RIPK2: variants seen among roughly 807,000 people sequenced by gnomAD.
RIPK2 encodes receptor interacting serine/threonine kinase 2, also known as receptor-interacting serine/threonine-protein kinase 2.
RIPK2 carries 38 observed loss-of-function variants against 60.9 expected under a neutral mutation model. That is an observed-to-expected ratio of 0.62 (90% CI 0.48 to 0.82). RIPK2 has a LOEUF of 0.82. Among genes scored for constraint, RIPK2 ranks in the 40% least tolerant of loss-of-function variants. The pLI, the probability that RIPK2 is intolerant of heterozygous loss-of-function variation, is 0.00. For missense variants in RIPK2, 518 were observed against 647.0 expected, an observed-to-expected ratio of 0.80 and a Z score of 2.16; for synonymous variants, 225 against 223.4, an observed-to-expected ratio of 1.01 and a Z score of -0.06.
chr8:89,773,014 CAAA>C (rs1331139820), intron 6 of RIPK2, among the ~76,000 whole-genome samples, 186 bp downstream of exon 6: 1 of 151,992 alleles, frequency 6.6e-6, no homozygotes, highest in African/African-American at 2.4e-5. Flanking sequence ...GAATTCCTAA[CAAA>C]AAAGAGAAAT....
At chr8:89,781,859 TA>T (rs1467515466) in intron 7 of RIPK2, among the ~76,000 whole-genome samples, 7 of 152,214 alleles carry the variant, frequency 4.6e-5, no homozygotes, top group African/African-American at 1.7e-4. Flanking sequence ...TAACCGATAA[TA>T]AAGTAGAACA....
At chr8:89,759,452 T>C (rs1397826101) in intron 1 of RIPK2, 1 of 453,728 alleles carries the variant, frequency 2.2e-6, no homozygotes, top group Non-Finnish European at 4.4e-6. Flanking sequence ...AAGCTGTGAG[T>C]ATCCAGCATC....
chr8:89,786,815 G>C, intron 9 of RIPK2, 129 bp downstream of exon 9: 1 of 655,138 alleles, frequency 1.5e-6, no homozygotes, highest in South Asian at 1.8e-5. Context: ...TAAAGCGACA[G>C]AGTCTAAAGA....
At chr8:89,772,994 G>A (rs1809339526) in intron 6 of RIPK2, among the ~76,000 whole-genome samples, 166 bp downstream of exon 6, 1 of 152,086 alleles carries the variant, frequency 6.6e-6, no homozygotes, top group African/African-American at 2.4e-5. Context: ...TCCTTCTAGA[G>A]CAGAATTGAG....
intron 6 of RIPK2, among the ~76,000 whole-genome samples, chr8:89,774,840 G>A (rs1317489071): frequency 6.6e-6 from 1 of 152,124 alleles, no homozygotes; most frequent in Non-Finnish European, 1.5e-5. Context: ...AGAAGAAAAA[G>A]GATTAAGGAA....
In RIPK2 at chr8:89,771,780, G is replaced by A. The variant is rs774802944; in HGVS notation, c.681G>A (p.Gln227=). The part of the protein sequence containing the change: ...VITWEVLSRK[Q]PFEDVTNPLQ... ...CATGGGAAGTGTTATCCAGAAAACA[G>A]CCTTTTGAAGGTAAGTATGGTTTGA... Residue 227 remains glutamine (Q), a synonymous_variant, in exon 5 of 11, where the codon CAG becomes CAA. Coordinates refer to ENST00000220751, the MANE Select transcript of RIPK2 (RefSeq NM_003821.6). The A allele has an allele frequency of 4.4e-6, 7 of 1,603,656 alleles. No individual in the cohort carries two copies. The highest frequency in any genetic ancestry group is 1.3e-5 in the African/African-American group (1 of 74,470).
chr8:89,761,810 A>AAGTTTCACCAGGCTTTAAGTTTC (rs1809150776), intron 1 of RIPK2, among the ~76,000 whole-genome samples: 1 of 152,058 alleles, frequency 6.6e-6, no homozygotes, highest in Non-Finnish European at 1.5e-5. Flanking sequence ...TCACCACCCT[A>AAGTTTCACCAGGCTTTAAGTTTC]ACCAGGCTTT....
chr8:89,759,394 C>T (rs1437876465), intron 1 of RIPK2: 6 of 456,170 alleles, frequency 1.3e-5, no homozygotes, highest in African/African-American at 6.0e-5. Flanking sequence ...TTCTCCTCCT[C>T]CTATATCTAA....
chr8:89,772,095 T>C (rs1473902522), intron 5 of RIPK2, among the ~76,000 whole-genome samples: 1 of 152,042 alleles, frequency 6.6e-6, no homozygotes, highest in Non-Finnish European at 1.5e-5. Flanking sequence ...GTCCTCATTT[T>C]TGTCGCCTGC....
chr8:89,765,284 G>A (rs1809208504), intron 2 of RIPK2, 57 bp from the exon 3 acceptor site: 1 of 1,269,510 alleles, frequency 7.9e-7, no homozygotes, highest in African/African-American at 1.5e-5. Context: ...TTCTAAGTGT[G>A]AAACATAGTG....
intron 7 of RIPK2, among the ~76,000 whole-genome samples, chr8:89,781,359 T>TTTTTTTTC (rs1563616930): frequency 7.1e-4 from 18 of 25,366 alleles, no homozygotes; most frequent in East Asian, 3.3e-3. Flanking sequence ...ATTGAATTTT[T>TTTTTTTTC]TTTTTTTTTT....
intron 1 of RIPK2, among the ~76,000 whole-genome samples, chr8:89,760,831 T>C (rs1355568970): frequency 6.6e-6 from 1 of 152,050 alleles, no homozygotes; most frequent in African/African-American, 2.4e-5. Flanking sequence ...GAGGAAAGAG[T>C]GTGTGAAGTG....
chr8:89,785,642 T>G (rs1173977050), intron 8 of RIPK2, among the ~76,000 whole-genome samples: 3 of 152,178 alleles, frequency 2.0e-5, no homozygotes, highest in Non-Finnish European at 4.4e-5. Flanking sequence ...ACACTTCTGG[T>G]TCCAAGCATT....
At chr8:89,759,778 A>G (rs1809114949) in intron 1 of RIPK2, among the ~76,000 whole-genome samples, 1 of 152,164 alleles carries the variant, frequency 6.6e-6, no homozygotes, top group South Asian at 2.1e-4. Flanking sequence ...AGTTATGCAA[A>G]CACTATATGG....
chr8:89,778,603 C>T (rs1470956661), intron 6 of RIPK2, among the ~76,000 whole-genome samples: 2 of 152,088 alleles, frequency 1.3e-5, no homozygotes, highest in Non-Finnish European at 2.9e-5. Context: ...TCACACTTAG[C>T]GTAATGTTTC....
At position 89,772,765 on chromosome 8, in the gene RIPK2, C is replaced by T. The variant is rs368538168; in HGVS notation, c.790C>T (p.Arg264Cys). The T allele has an allele frequency of 2.0e-5, 33 of 1,611,692 alleles. No individual in the cohort carries two copies. Among genetic ancestry groups the T allele is most frequent in the South Asian group, 1.5e-4 (14 of 90,980 alleles). The change falls in exon 6 of 11, where the codon CGT (arginine) becomes TGT (cysteine). Residue 264 changes from arginine (R) to cysteine (C), a missense_variant. This residue lies in a region of RIPK2 where 448 missense variants were observed against 534.7 expected (regional missense o/e 0.84). Coordinates refer to ENST00000220751, the MANE Select transcript of RIPK2 (RefSeq NM_003821.6). ...SLPYDIPHRA[R>C]MISLIESGWA... Reference sequence around the variant, plus strand: ...GCCATATGATATACCTCACCGAGCACGTATGATCTCTCTAATAGAAAGTGG... The same window carrying T: ...GCCATATGATATACCTCACCGAGCATGTATGATCTCTCTAATAGAAAGTGG...
intron 6 of RIPK2, among the ~76,000 whole-genome samples, chr8:89,776,072 T>C (rs893742840): frequency 2.6e-5 from 4 of 152,138 alleles, no homozygotes; most frequent in Non-Finnish European, 5.9e-5. Context: ...TCACCCTGCT[T>C]CTACATAGGG....
chr8:89,758,466 A>C (rs1019057605), intron 1 of RIPK2, among the ~76,000 whole-genome samples: 19 of 152,142 alleles, frequency 1.2e-4, no homozygotes, highest in South Asian at 4.1e-4. Flanking sequence ...TCCTCCACAC[A>C]TCTCTCCATT....
chr8:89,775,778 G>A (rs1809387508), intron 6 of RIPK2, among the ~76,000 whole-genome samples: 1 of 152,158 alleles, frequency 6.6e-6, no homozygotes, highest in Admixed American at 6.6e-5. Context: ...TTTTCTCAGT[G>A]TAGTATGAGA....
Sources: gnomAD v4.1 joint callset for allele counts (sites outside exome capture counted in the v4.1 genomes callset) on GRCh38, gnomAD v4.1.1 for gene constraint, gnomAD v4.1.1 regional missense constraint, MANE v1.5 for transcripts, NCBI Gene and HGNC (gene_info 2026-07-23, HGNC 2026-07-21) for gene names.